The following CTNNA3 variants were observed in gnomAD, a reference collection of about 807,000 sequenced individuals.
CTNNA3 encodes catenin alpha 3, also known as catenin alpha-3.
CTNNA3 carries 76 observed loss-of-function variants against 95.7 expected under a neutral mutation model. That is an observed-to-expected ratio of 0.79 (90% CI 0.66 to 0.96). CTNNA3 has a LOEUF of 0.96. Ranked by LOEUF, CTNNA3 falls within the 40% of genes least tolerant of loss-of-function variation. The probability of loss-of-function intolerance (pLI) is 0.00; values close to 1 mark genes in which losing one functional copy is unlikely to be tolerated. For missense variants in CTNNA3, 1,191 were observed against 1,089.8 expected (o/e 1.09, Z -1.31); for synonymous variants, 431 against 374.4 (o/e 1.15, Z -1.74).
At chr10:67,524,395 CAAAAAA>C (rs200850487) in intron 4 of CTNNA3, among the ~76,000 whole-genome samples, 2,594 of 70,150 alleles carry the variant, frequency 0.037, 144 homozygotes, top group East Asian at 0.3. Flanking sequence ...GACTCTGTCT[CAAAAAA>C]AAAAAAAAAA....
At chr10:66,682,136 T>C (rs757850165) in intron 9 of CTNNA3, among the ~76,000 whole-genome samples, 1 of 152,178 alleles carries the variant, frequency 6.6e-6, no homozygotes, top group Non-Finnish European at 1.5e-5. Flanking sequence ...TCAGCTTTGA[T>C]ACAAATTCCT....
chr10:67,217,500 C>T (rs769565524), intron 6 of CTNNA3, among the ~76,000 whole-genome samples: 3 of 152,084 alleles, frequency 2.0e-5, no homozygotes, highest in Admixed American at 6.5e-5. Flanking sequence ...GACCCCTTCC[C>T]GCCTCATGAA....
At chr10:66,714,598 T>C (rs1246011085) in intron 9 of CTNNA3, among the ~76,000 whole-genome samples, 1 of 152,168 alleles carries the variant, frequency 6.6e-6, no homozygotes, top group Non-Finnish European at 1.5e-5. Context: ...CATCCACCTC[T>C]GCTTTTTTGA....
intron 10 of CTNNA3, among the ~76,000 whole-genome samples, chr10:66,605,708 A>G (rs887837776): frequency 6.6e-6 from 1 of 152,146 alleles, no homozygotes; most frequent in Non-Finnish European, 1.5e-5. Context: ...CAGCCAAACT[A>G]AGCTTCATAA....
At chr10:66,789,683 T>G (rs1175611955) in intron 7 of CTNNA3, among the ~76,000 whole-genome samples, 1 of 152,168 alleles carries the variant, frequency 6.6e-6, no homozygotes, top group African/African-American at 2.4e-5. Context: ...GGTACTGTAA[T>G]TAATAGAATA....
chr10:66,861,956 T>C (rs866653834), intron 7 of CTNNA3, among the ~76,000 whole-genome samples: 10 of 152,192 alleles, frequency 6.6e-5, no homozygotes, highest in African/African-American at 2.2e-4. Flanking sequence ...GGGTCACACC[T>C]GTAATCCCAG....
At chr10:66,567,908 A>G (rs1364132158) in intron 10 of CTNNA3, among the ~76,000 whole-genome samples, 2 of 152,140 alleles carry the variant, frequency 1.3e-5, no homozygotes, top group African/African-American at 4.8e-5. Flanking sequence ...TGCTCTTCTG[A>G]CTACTCTGGG....
At chr10:66,211,677 G>C (rs2088164530) in intron 13 of CTNNA3, among the ~76,000 whole-genome samples, 1 of 152,212 alleles carries the variant, frequency 6.6e-6, no homozygotes, top group African/African-American at 2.4e-5. Flanking sequence ...TCAGTGTGGA[G>C]CCATTTAAAA....
chr10:66,155,776 C>T (rs139292497), intron 13 of CTNNA3, among the ~76,000 whole-genome samples: 2 of 151,826 alleles, frequency 1.3e-5, no homozygotes, highest in African/African-American at 4.8e-5. Context: ...AGAACAATTC[C>T]ATATTCTTAG....
intron 5 of CTNNA3, among the ~76,000 whole-genome samples, chr10:67,483,621 G>A (rs575316452): frequency 1.3e-5 from 2 of 151,510 alleles, no homozygotes; most frequent in Non-Finnish European, 2.9e-5. Context: ...GGTGGCGGGA[G>A]GGGGGAGGAA....
At chr10:66,122,323 C>T (rs937292916) in intron 13 of CTNNA3, among the ~76,000 whole-genome samples, 1 of 151,972 alleles carries the variant, frequency 6.6e-6, no homozygotes, top group East Asian at 1.9e-4. Flanking sequence ...AAAAAAATTA[C>T]TTAATAAAGA....
chr10:65,946,727 T>C (rs3017071), intron 17 of CTNNA3, among the ~76,000 whole-genome samples: 22,812 of 152,038 alleles, frequency 0.15, 2,130 homozygotes, highest in South Asian at 0.23. Flanking sequence ...GCATCTATTG[T>C]CCAAAACATT....
rs573320278 is a variant in CTNNA3 at position 67,627,464 on chromosome 10, T to C, written c.99+19951A>G. Among the ~76,000 whole-genome samples, 49 of 152,272 alleles carry C rather than the reference T, an allele frequency of 3.2e-4. 1 individual carries two copies. The highest frequency in any genetic ancestry group is 2.1e-3 in the Admixed American group (32 of 15,296). On this transcript the variant is annotated intron_variant, in intron 2 of 17. Coordinates refer to ENST00000433211, the MANE Select transcript of CTNNA3 (RefSeq NM_013266.4). Reference sequence around the variant, plus strand: ...GTTTTGCTTTTTCAAAAAAAATACATAATAACCTAAATAAATAGCTTTATT... The same window carrying C: ...GTTTTGCTTTTTCAAAAAAAATACACAATAACCTAAATAAATAGCTTTATT...
intron 5 of CTNNA3, among the ~76,000 whole-genome samples, chr10:67,429,982 A>C (rs1033566511): frequency 2.0e-5 from 3 of 152,016 alleles, no homozygotes; most frequent in Admixed American, 6.6e-5. Context: ...CCAAGAATTA[A>C]CTGATAAAGG....
At chr10:67,271,735 T>C (rs2132419716) in intron 5 of CTNNA3, among the ~76,000 whole-genome samples, 1 of 152,280 alleles carries the variant, frequency 6.6e-6, no homozygotes, top group Non-Finnish European at 1.5e-5. Context: ...AGGCATCCAG[T>C]AGTAGAAGTA....
At position 67,259,766 on chromosome 10, in the gene CTNNA3, AG is replaced by A. The variant is rs549142220; in HGVS notation, c.580-39897del. On this transcript the variant is annotated intron_variant, in intron 5 of 17. Transcript: ENST00000433211. ...CTCAGTTTCTCAGCTGCAGGATACC[AG>A]GTGACCTTGCTCTCTGATTCTGCCT... 1.4e-4 allele frequency among the ~76,000 whole-genome samples: 21 copies of A among 152,286 alleles called. No homozygotes were observed. The East Asian group carries it at 4.1e-3, about 29-fold the overall frequency.
At chr10:65,973,896 T>C (rs147131975) in intron 16 of CTNNA3, among the ~76,000 whole-genome samples, 62 of 152,186 alleles carry the variant, frequency 4.1e-4, no homozygotes, top group African/African-American at 1.5e-3. Context: ...CATTTCAACA[T>C]GAGATTTGGG....
chr10:67,000,174 T>A (rs1288407706), intron 7 of CTNNA3, among the ~76,000 whole-genome samples: 1 of 152,182 alleles, frequency 6.6e-6, no homozygotes, highest in African/African-American at 2.4e-5. Context: ...AGACAGCTTT[T>A]AAGATTGCTA....
intron 7 of CTNNA3, among the ~76,000 whole-genome samples, chr10:67,031,183 T>C (rs958924489): frequency 4.6e-5 from 7 of 152,162 alleles, no homozygotes; most frequent in Admixed American, 2.6e-4. Flanking sequence ...AATAAAACCC[T>C]CTGATTTATA....
Sources: gnomAD v4.1 joint callset for allele counts (sites outside exome capture counted in the v4.1 genomes callset) on GRCh38, gnomAD v4.1.1 for gene constraint, MANE v1.5 for transcripts, NCBI Gene and HGNC (gene_info 2026-07-23, HGNC 2026-07-21) for gene names.